Variants in DNAH6 observed in about 807,000 individuals in gnomAD.
The protein encoded by DNAH6 is dynein axonemal heavy chain 6.
Under a neutral mutation model 491.4 loss-of-function variants are expected in DNAH6, and 340 were observed. That is an observed-to-expected ratio of 0.69 (90% CI 0.63 to 0.76). DNAH6 has a LOEUF of 0.76. DNAH6 is among the 30% of genes least tolerant of loss of function. The probability of loss-of-function intolerance (pLI) is 0.00; values close to 1 mark genes in which losing one functional copy is unlikely to be tolerated. For synonymous variants in DNAH6, 1,603 were observed against 1,686.1 expected (o/e 0.95, Z 1.21); for missense variants, 4,443 against 4,972.2 (o/e 0.89, Z 3.20).
chr2:84,808,903 A>G (rs1679698461), intron 72 of DNAH6, among the ~76,000 whole-genome samples: 1 of 152,170 alleles, frequency 6.6e-6, no homozygotes, highest in African/African-American at 2.4e-5. Flanking sequence ...TTTAAGCGAG[A>G]CTGTGAAAAC....
At chr2:84,707,746 G>T in intron 54 of DNAH6, 30 bp downstream of exon 54, 1 of 1,525,194 alleles carries the variant, frequency 6.6e-7, no homozygotes, top group South Asian at 1.2e-5. Context: ...GTAAGGAGGG[G>T]TAAGAAGCAG....
At chr2:84,689,397 G>A (rs1235133469) in intron 45 of DNAH6, among the ~76,000 whole-genome samples, 2 of 152,166 alleles carry the variant, frequency 1.3e-5, no homozygotes, top group East Asian at 3.9e-4. Flanking sequence ...CAATTTTTGC[G>A]ACTGTTCTCT....
intron 10 of DNAH6, among the ~76,000 whole-genome samples, chr2:84,556,677 T>G (rs1294174711): frequency 6.6e-6 from 1 of 152,228 alleles, no homozygotes; most frequent in Non-Finnish European, 1.5e-5. Context: ...TTAACATTTT[T>G]ATATGCTTCT....
intron 71 of DNAH6, among the ~76,000 whole-genome samples, chr2:84,807,013 T>C (rs186626783): frequency 2.0e-5 from 3 of 152,334 alleles, no homozygotes; most frequent in Admixed American, 1.3e-4. Flanking sequence ...TGCACTTGTT[T>C]GGTAGAATCC....
chr2:84,582,608 C>T (rs1183557375), intron 14 of DNAH6, among the ~76,000 whole-genome samples: 1 of 152,202 alleles, frequency 6.6e-6, no homozygotes, highest in Non-Finnish European at 1.5e-5. Context: ...TCCGCCACTG[C>T]GCCCAGCTAA....
intron 49 of DNAH6, 73 bp downstream of exon 49, chr2:84,701,412 A>T: frequency 6.8e-7 from 1 of 1,468,164 alleles, no homozygotes; most frequent in Admixed American, 2.1e-5. Context: ...TGGAAACTCT[A>T]TGCACTGTCT....
At position 84,611,851 on chromosome 2, in the gene DNAH6, C is replaced by A. The variant is rs756299384; in HGVS notation, c.3472C>A (p.Pro1158Thr). ...TAATGCTCTTCGAGCCGCTACTCAG[C>A]CAGGTATGAAACAAAATTCCAAACA... The part of the protein sequence containing the change: ...LPNALRAATQ[P>T]GLLETFQNNN... The change falls in exon 22 of 77, where the codon CCA becomes ACA. Residue 1158 changes from proline to threonine, a missense_variant. Pro to Thr is a conservative substitution (Grantham distance 38, BLOSUM62 -1). Coordinates refer to ENST00000389394, the MANE Select transcript of DNAH6 (RefSeq NM_001370.2). The A allele has an allele frequency of 2.8e-5, 44 of 1,549,832 alleles. No homozygotes were observed. In the South Asian group the frequency reaches 5.1e-4, roughly 18 times the overall value.
intron 75 of DNAH6, among the ~76,000 whole-genome samples, chr2:84,814,473 G>T (rs1038262047): frequency 4.6e-5 from 7 of 152,172 alleles, no homozygotes; most frequent in Non-Finnish European, 1.0e-4. Flanking sequence ...TTCACCAGCT[G>T]CATGTGCTGG....
intron 76 of DNAH6, among the ~76,000 whole-genome samples, chr2:84,817,855 G>A (rs528153470): frequency 3.2e-4 from 49 of 152,244 alleles, no homozygotes; most frequent in Middle Eastern, 3.4e-3. Context: ...TCTTTAACAA[G>A]CAGCTCTCGC....
rs747174117 is a variant in DNAH6, at chr2:84,694,231, C to G, written c.7293-18C>G. The G allele has an allele frequency of 1.9e-5, 29 of 1,548,582 alleles. No individual in the cohort carries two copies. In the South Asian group the frequency reaches 3.2e-4, roughly 17 times the overall value. On this transcript the variant is annotated intron_variant, in intron 45 of 76. Coordinates refer to ENST00000389394, the MANE Select transcript of DNAH6 (RefSeq NM_001370.2). ...TGTCTGTGAACTTGAAATAAACCCT[C>G]TGCTCTGATGTTTGCAGGATTGCTC...
Position 84,718,282 on chromosome 2 carries a change from C to T in DNAH6, c.9690C>T (p.Asn3230=). The T allele has an allele frequency of 6.4e-7, 1 of 1,551,254 alleles. No individual in the cohort carries two copies. Among genetic ancestry groups the T allele is most frequent in the Non-Finnish European group, 8.7e-7 (1 of 1,146,796 alleles). Residue 3230 remains asparagine (N), a synonymous_variant, in exon 59 of 77, where the codon AAC becomes AAT. Coordinates refer to ENST00000389394, the MANE Select transcript of DNAH6 (RefSeq NM_001370.2). ...KLIVRINTDK[N]QLKTIEEKIL... ...TCGTGAGGATCAACACTGATAAAAACCAGTTGAAAACTATCGAAGAGAAAA... is the reference window on the plus strand; with the variant it reads ...TCGTGAGGATCAACACTGATAAAAATCAGTTGAAAACTATCGAAGAGAAAA...
At chr2:84,780,812 G>A (rs1239934635) in intron 64 of DNAH6, among the ~76,000 whole-genome samples, 3 of 151,846 alleles carry the variant, frequency 2.0e-5, no homozygotes, top group Non-Finnish European at 1.5e-5. Context: ...TCCTTTGAGG[G>A]CTTGACTGTG....
chr2:84,543,715 T>G (rs1678487126), intron 4 of DNAH6, among the ~76,000 whole-genome samples: 1 of 152,150 alleles, frequency 6.6e-6, no homozygotes, highest in Non-Finnish European at 1.5e-5. Context: ...TGACAACAGT[T>G]GAAAGAGAGA....
chr2:84,501,217 G>T, the DNAH6 span, among the ~76,000 whole-genome samples: 1 of 152,074 alleles, frequency 6.6e-6, no homozygotes, highest in Non-Finnish European at 1.5e-5. Context: ...CCAGTTTTTT[G>T]AGGGGTTTTA....
chr2:84,503,849 G>T, the DNAH6 span, among the ~76,000 whole-genome samples: 4 of 151,870 alleles, frequency 2.6e-5, no homozygotes, highest in African/African-American at 9.7e-5. Flanking sequence ...TTGACCTTTG[G>T]GAGTTTGATT....
At position 84,528,884 on chromosome 2, in the gene DNAH6, C is replaced by A. The variant is rs79610992; in HGVS notation, c.400-20C>A. 3.5e-6 allele frequency: 5 copies of A among 1,411,090 alleles called. No individual in the cohort carries two copies. The highest frequency in any genetic ancestry group is 3.7e-6 in the Non-Finnish European group (4 of 1,079,934). 87.4% of individuals were successfully genotyped at this position (1,411,090 alleles called of 1,614,324 possible). A position where few individuals can be genotyped will look rare whatever the true frequency, so the allele number is the denominator to read the frequency against. On this transcript the variant is annotated intron_variant, in intron 3 of 76. Transcript: ENST00000389394. Reference sequence around the variant, plus strand: ...TGTGCAAAGACTCATTTTTTTTTTTCAAAAATTGGCTTTGTTTAGATTCAT... The same window carrying A: ...TGTGCAAAGACTCATTTTTTTTTTTAAAAAATTGGCTTTGTTTAGATTCAT...
intron 5 of DNAH6, 88 bp downstream of exon 5, chr2:84,544,588 G>A: frequency 1.3e-6 from 1 of 742,002 alleles, no homozygotes; most frequent in Non-Finnish European, 2.1e-6. Flanking sequence ...GACTGTTCTT[G>A]AAATCAAATA....
chr2:84,472,091 T>A, the DNAH6 span, among the ~76,000 whole-genome samples: 1 of 152,168 alleles, frequency 6.6e-6, no homozygotes, highest in Non-Finnish European at 1.5e-5. Flanking sequence ...TTTTGTCCTG[T>A]CAGGTGTTGT....
At chr2:84,791,412 T>C (rs1160172664) in intron 68 of DNAH6, among the ~76,000 whole-genome samples, 2 of 151,678 alleles carry the variant, frequency 1.3e-5, no homozygotes, top group African/African-American at 4.8e-5. Flanking sequence ...TTATGCTAAG[T>C]AAAAGAAGCC....
Sources: allele counts gnomAD v4.1 joint callset (sites outside exome capture counted in the v4.1 genomes callset), GRCh38; gene constraint gnomAD v4.1.1; transcripts MANE v1.5; gene names NCBI Gene and HGNC (gene_info 2026-07-23, HGNC 2026-07-21).